Variants in ACSS2 observed in about 807,000 individuals in gnomAD.
ACSS2 encodes acyl-CoA synthetase short chain family member 2, also known as acetyl-coenzyme A synthetase, cytoplasmic.
In ACSS2, 58 loss-of-function variants were observed where a neutral mutation model predicts 90.6. The observed-to-expected ratio is 0.64, with a 90% CI of 0.52 to 0.80. The LOEUF (loss-of-function observed/expected upper bound fraction) is 0.80, where lower values mean the gene tolerates loss of function less well. Among genes scored for constraint, ACSS2 ranks in the 30% least tolerant of loss-of-function variants. The pLI is 0.00. For missense variants in ACSS2, 759 were observed against 912.0 expected, an observed-to-expected ratio of 0.83 and a Z score of 2.16; for synonymous variants, 300 against 330.9, an observed-to-expected ratio of 0.91 and a Z score of 1.01.
At chr20:34,913,073 TG>T in intron 2 of ACSS2, 22 bp from the exon 3 acceptor site, 1 of 1,584,350 alleles carries the variant, frequency 6.3e-7, no homozygotes, top group Non-Finnish European at 8.7e-7. Flanking sequence ...CCCTAATCAC[TG>T]GTTCTTTCTG....
At chr20:34,909,193 G>GAAAAAAAAAA (rs1431560934) in intron 2 of ACSS2, among the ~76,000 whole-genome samples, 1 of 69,356 alleles carries the variant, frequency 1.4e-5, no homozygotes, top group Non-Finnish European at 2.6e-5. Context: ...TCCTGTCTTT[G>GAAAAAAAAAA]CAAAAAAAAA....
At chr20:34,876,525 A>G (rs1245645420), upstream of ACSS2, 18 of 1,107,538 alleles carry the variant, frequency 1.6e-5, no homozygotes, top group Admixed American at 4.7e-5. Flanking sequence ...AGACTAAGCC[A>G]CTCCCCCACT....
At chr20:34,898,648 C>T (rs915036446) in intron 2 of ACSS2, among the ~76,000 whole-genome samples, 3 of 152,248 alleles carry the variant, frequency 2.0e-5, no homozygotes, top group Admixed American at 2.0e-4. Flanking sequence ...CTGAGCTAGA[C>T]AGAGGGTGCA....
chr20:34,889,627 A>G (rs2080286781), intron 2 of ACSS2, among the ~76,000 whole-genome samples: 1 of 152,182 alleles, frequency 6.6e-6, no homozygotes, highest in Non-Finnish European at 1.5e-5. Context: ...TTTTATATTA[A>G]GAAGAGACTG....
rs1315484078 is a variant in ACSS2, at chr20:34,919,591, G to T, written c.972+19G>T. 7 of 1,554,496 alleles carry T rather than the reference G, an allele frequency of 4.5e-6. No homozygotes were observed. The Admixed American group carries it at 5.5e-5, about 12-fold the overall frequency. On this transcript the variant is annotated intron_variant, in intron 8 of 17. Coordinates refer to ENST00000360596, the MANE Select transcript of ACSS2 (RefSeq NM_018677.4). ...ACCCAAGGCAAGTGTGTGTGTGTGT[G>T]TGTGTGTGTGTGTGTGTGTGTGTGT...
intron 13 of ACSS2, 68 bp downstream of exon 13, chr20:34,921,934 A>G: frequency 6.4e-7 from 1 of 1,552,516 alleles, no homozygotes. Context: ...ACTTTGCTTT[A>G]GAGTTAATAA....
intron 2 of ACSS2, among the ~76,000 whole-genome samples, chr20:34,894,444 C>T (rs2147004506): frequency 6.6e-6 from 1 of 152,254 alleles, no homozygotes; most frequent in African/African-American, 2.4e-5. Flanking sequence ...GAGCCAAGAT[C>T]ATGCCACTGC....
At chr20:34,919,677 T>G in intron 8 of ACSS2, 105 bp downstream of exon 8, 1 of 1,444,076 alleles carries the variant, frequency 6.9e-7, no homozygotes, top group South Asian at 1.3e-5. Context: ...ATTATTTTTT[T>G]CCTACAACCC....
chr20:34,887,418 T>C (rs1043088268), intron 2 of ACSS2, among the ~76,000 whole-genome samples: 2 of 152,344 alleles, frequency 1.3e-5, no homozygotes, highest in African/African-American at 4.8e-5. Context: ...GACCCTAGTC[T>C]CATGGAATTT....
At chr20:34,914,237 C>T (rs547214754) in intron 6 of ACSS2, 66 bp downstream of exon 6, 8 of 1,605,834 alleles carry the variant, frequency 5.0e-6, no homozygotes, top group South Asian at 2.2e-5. Context: ...CCCTTTGTCC[C>T]CTCTACCCTA....
At chr20:34,914,968 A>G (rs1026099300) in intron 7 of ACSS2, among the ~76,000 whole-genome samples, 2 of 152,096 alleles carry the variant, frequency 1.3e-5, no homozygotes, top group Non-Finnish European at 2.9e-5. Flanking sequence ...GTTGAGTAAG[A>G]GTCTGTGACT....
chr20:34,918,249 C>T (rs1271802481), intron 7 of ACSS2, among the ~76,000 whole-genome samples: 3 of 152,180 alleles, frequency 2.0e-5, no homozygotes, highest in Admixed American at 1.3e-4. Flanking sequence ...TGACTGTCCT[C>T]ATTTGTAAAA....
At chr20:34,889,415 C>T (rs2080280751) in intron 2 of ACSS2, among the ~76,000 whole-genome samples, 3 of 101,666 alleles carry the variant, frequency 3.0e-5, no homozygotes, top group Admixed American at 2.5e-4. Context: ...TGCCACTGCG[C>T]CTGGCCAATT....
At position 34,913,396 on chromosome 20, in the gene ACSS2, T is replaced by C. The variant is rs761266966; in HGVS notation, c.470T>C (p.Ile157Thr). The change falls in exon 4 of 18, where the codon ATT becomes ACT. Residue 157 changes from isoleucine (I) to threonine (T), a missense_variant. Physicochemically the swap from Ile to Thr is moderately conservative, Grantham distance 89. Transcript: ENST00000360596. ...TATTCTGTGCTTTTACCTGCAGGCATTCAGAAGGGGGACCGAGTGGCCATC... is the reference window on the plus strand; with the variant it reads ...TATTCTGTGCTTTTACCTGCAGGCACTCAGAAGGGGGACCGAGTGGCCATC... ...QFSNVLRKQG[I>T]QKGDRVAIYM... 14 of 1,613,742 alleles carry C rather than the reference T, an allele frequency of 8.7e-6. No homozygotes were observed. The South Asian group carries it at 1.5e-4, about 18-fold the overall frequency.
At chr20:34,879,303 C>A (rs1241973025) in intron 1 of ACSS2, among the ~76,000 whole-genome samples, 2 of 152,078 alleles carry the variant, frequency 1.3e-5, no homozygotes. Flanking sequence ...CTAGATAGAT[C>A]ATTCTCCTTG....
In ACSS2 at chr20:34,886,375, T is replaced by C. The variant is rs189258803; in HGVS notation, c.374+3386T>C. Among the ~76,000 whole-genome samples the C allele has an allele frequency of 2.2e-4, 34 of 152,242 alleles. No homozygotes were observed. In the East Asian group the frequency reaches 5.0e-3, roughly 22 times the overall value. On this transcript the variant is annotated intron_variant, in intron 2 of 17. Coordinates refer to ENST00000360596, the MANE Select transcript of ACSS2 (RefSeq NM_018677.4). The stretch of plus-strand genomic sequence containing the variant: ...GGCTTATACCTGTAATCCCAACACT[T>C]TGGGAAGCAGAGGCGGGCAGATCAC...
intron 2 of ACSS2, among the ~76,000 whole-genome samples, chr20:34,905,265 T>G (rs2080769593): frequency 6.6e-6 from 1 of 151,310 alleles, no homozygotes; most frequent in Non-Finnish European, 1.5e-5. Context: ...TTCAGAAGTT[T>G]TTTTTTTTTT....
At chr20:34,879,282 C>T (rs2080009732) in intron 1 of ACSS2, among the ~76,000 whole-genome samples, 1 of 152,066 alleles carries the variant, frequency 6.6e-6, no homozygotes, top group African/African-American at 2.4e-5. Flanking sequence ...CTTGCTACCA[C>T]TCCCCTCATT....
intron 4 of ACSS2, 125 bp from the exon 5 acceptor site, chr20:34,913,628 T>C (rs755352620): frequency 1.7e-4 from 216 of 1,250,636 alleles, no homozygotes; most frequent in Non-Finnish European, 2.4e-4. Context: ...AGGTCCATAT[T>C]AGTTATTCAG....
Sources: allele counts gnomAD v4.1 joint callset (sites outside exome capture counted in the v4.1 genomes callset), GRCh38; gene constraint gnomAD v4.1.1; transcripts MANE v1.5; gene names NCBI Gene and HGNC (gene_info 2026-07-23, HGNC 2026-07-21).